Variants in ZNF518A observed in about 807,000 individuals in gnomAD.
ZNF518A encodes the protein zinc finger protein 518A.
ZNF518A carries 47 observed loss-of-function variants against 102.7 expected under a neutral mutation model. The ratio of observed to expected loss-of-function variants is 0.46; its 90% CI spans 0.36 to 0.58. ZNF518A has a LOEUF of 0.58. Ranked by LOEUF, ZNF518A falls within the 20% of genes least tolerant of loss-of-function variation. ZNF518A has a pLI of 0.00. For missense variants in ZNF518A, 1,793 were observed against 1,699.8 expected (o/e 1.05, Z -0.96); for synonymous variants, 652 against 594.6 (o/e 1.10, Z -1.40).
At chr10:96,199,501 CCA>C (rs1554895528) in intron 1 of ZNF518A, 1 of 462,486 alleles carries the variant, frequency 2.2e-6, no homozygotes, top group East Asian at 6.7e-5. Context: ...TTCTCGTCTC[CCA>C]CTGTTTGGAG....
At chr10:96,132,177 G>GT (rs369245858) in intron 1 of ZNF518A, among the ~76,000 whole-genome samples, 5 of 151,670 alleles carry the variant, frequency 3.3e-5, no homozygotes, top group Non-Finnish European at 7.4e-5. Context: ...TAGGCTGTGA[G>GT]TATTTCAGTT....
chr10:96,153,376 C>T (rs1415763128), intron 3 of ZNF518A, among the ~76,000 whole-genome samples: 1 of 152,218 alleles, frequency 6.6e-6, no homozygotes, highest in Non-Finnish European at 1.5e-5. Flanking sequence ...TACTGGTTTT[C>T]TAGGTATTCC....
chr10:96,158,580 TTTC>T lies in ZNF518A; in HGVS notation c.2260_2262del (p.Ser754del). ...ACTGAAAAATCTAAATGGGAAGACT[TTTC>T]TAATGTCGATTCACCTATGATGCCT... On this transcript the variant is annotated inframe_deletion, in exon 6 of 6. Transcript: ENST00000316045. The T allele has an allele frequency of 6.2e-7, 1 of 1,613,200 alleles. No individual in the cohort carries two copies. Among genetic ancestry groups the T allele is most frequent in the Non-Finnish European group, 8.5e-7 (1 of 1,179,618 alleles).
Position 96,159,183 on chromosome 10 carries a change from C to A in ZNF518A, c.2861C>A (p.Pro954His), listed in dbSNP as rs368707793. Residue 954 changes from proline (P) to histidine (H), a missense_variant, in exon 6 of 6, where the codon CCT becomes CAT. Around this residue, in one of 3 missense-constraint regions of ZNF518A, gnomAD observed 1,741 missense variants for 1,622.6 expected, o/e 1.07. Coordinates refer to ENST00000316045, the MANE Select transcript of ZNF518A (RefSeq NM_001330736.2). ...ITNKPGLPVIPGNALPLVNSQ... is the reference protein window; with the variant it reads ...ITNKPGLPVIHGNALPLVNSQ... ...AACAAGCCTGGGCTACCAGTTATTC[C>A]TGGAAATGCACTTCCATTGGTTAAT... 2.5e-6 allele frequency: 4 copies of A among 1,613,648 alleles called. No homozygotes were observed. In the African/African-American group the frequency reaches 5.3e-5, roughly 22 times the overall value.
chr10:96,160,090 A>G lies in ZNF518A; in HGVS notation c.3768A>G (p.Ser1256=), dbSNP rs782164836. The change falls in exon 6 of 6, where the codon TCA becomes TCG. Residue 1256 remains serine (S), a synonymous_variant. Coordinates refer to ENST00000316045, the MANE Select transcript of ZNF518A (RefSeq NM_001330736.2). Reference sequence around the variant, plus strand: ...AAAAGACTTCCAAAAAAATTTTTTCAAAAACAAAAACTCATGGAAGTAAAG... The same window carrying G: ...AAAAGACTTCCAAAAAAATTTTTTCGAAAACAAAAACTCATGGAAGTAAAG... ...NRKKTSKKIF[S]KTKTHGSKDS... 13 of 1,608,002 alleles carry G rather than the reference A, an allele frequency of 8.1e-6. No homozygotes were observed. The highest frequency in any genetic ancestry group is 5.4e-5 in the African/African-American group (4 of 74,372).
At position 96,163,757 on chromosome 10, in the gene ZNF518A, A is replaced by G. The variant is rs1371105436; in HGVS notation, c.*2983A>G. 6.0e-6 allele frequency: 1 copy of G among 167,024 alleles called. No homozygotes were observed. Among genetic ancestry groups the G allele is most frequent in the Admixed American group, 6.5e-5 (1 of 15,282 alleles). The allele number at this position is 167,024 out of a possible 1,614,324, so 10.3% of individuals were successfully genotyped here. ...TATGTTTTAATAAAACAATTTATAA[A>G]AACAGGAAGTGGGCTGAATTTGGCC... is the stretch of plus-strand genomic sequence containing the variant. On this transcript the variant is annotated 3_prime_UTR_variant, in exon 6 of 6. Transcript: ENST00000316045.
At chr10:96,174,479 T>C (rs1434413202) in intron 1 of ZNF518A, among the ~76,000 whole-genome samples, 2 of 152,028 alleles carry the variant, frequency 1.3e-5, no homozygotes, top group Non-Finnish European at 2.9e-5. Flanking sequence ...GAGTGGACAA[T>C]ACTACTGCTC....
rs2082704026 is a variant in ZNF518A at position 96,156,583 on chromosome 10, A to G, written c.261A>G (p.Ile87Met). The stretch of plus-strand genomic sequence containing the variant: ...AGACTGCAAGAAAATCTATCAGTAT[A>G]AAGACTGTAAGCTGTGTAGAGGAGT... Reference protein sequence around the residue: ...KQQTARKSISIKTVSCVEECT... With the variant: ...KQQTARKSISMKTVSCVEECT... The change falls in exon 6 of 6, where the codon ATA becomes ATG. Residue 87 changes from isoleucine to methionine, a missense_variant. Ile to Met is a conservative substitution (Grantham distance 10, BLOSUM62 1). This residue lies in a region of ZNF518A where 1,741 missense variants were observed against 1,622.6 expected (regional missense o/e 1.07). Transcript: ENST00000316045. The G allele has an allele frequency of 6.2e-7, 1 of 1,613,856 alleles. No homozygotes were observed. Among genetic ancestry groups the G allele is most frequent in the Non-Finnish European group, 8.5e-7 (1 of 1,179,774 alleles).
At chr10:96,201,737 TGC>T (rs35965259) in intron 1 of ZNF518A, among the ~76,000 whole-genome samples, 19,106 of 132,586 alleles carry the variant, frequency 0.14, 1,257 homozygotes, top group Middle Eastern at 0.19. Flanking sequence ...AAGACTTATC[TGC>T]ATTCATTCAT....
chr10:96,140,562 A>C (rs189834712), intron 3 of ZNF518A, among the ~76,000 whole-genome samples: 6 of 152,336 alleles, frequency 3.9e-5, no homozygotes, highest in Non-Finnish European at 7.3e-5. Flanking sequence ...TTCCTTTTCT[A>C]TACTGAATTC....
At chr10:96,176,090 T>A (rs2083203162) in intron 1 of ZNF518A, among the ~76,000 whole-genome samples, 1 of 152,096 alleles carries the variant, frequency 6.6e-6, no homozygotes, top group Non-Finnish European at 1.5e-5. Context: ...GCACCCTGCC[T>A]GGTTATTATT....
chr10:96,185,371 T>C (rs1046751227), intron 1 of ZNF518A, among the ~76,000 whole-genome samples: 6 of 152,198 alleles, frequency 3.9e-5, no homozygotes, highest in Admixed American at 6.5e-5. Flanking sequence ...CTGCAATCCT[T>C]TGGAGGAGAA....
At chr10:96,153,896 A>G (rs2082570230) in intron 3 of ZNF518A, among the ~76,000 whole-genome samples, 1 of 152,162 alleles carries the variant, frequency 6.6e-6, no homozygotes, top group Non-Finnish European at 1.5e-5. Context: ...TAATAATCCT[A>G]TTCTCAAGGT....
At chr10:96,129,971 C>T (rs2081236787), upstream of ZNF518A, 1 of 152,706 alleles carries the variant, frequency 6.5e-6, no homozygotes. Context: ...TGCCGGCCTC[C>T]GTTCTCTTCC....
chr10:96,154,565 A>G (rs587769432), intron 3 of ZNF518A, among the ~76,000 whole-genome samples: 34 of 152,124 alleles, frequency 2.2e-4, no homozygotes, highest in Non-Finnish European at 4.6e-4. Flanking sequence ...CTAGAAAGAC[A>G]AGTGCTCTGC....
chr10:96,199,589 G>A (rs1266772403), intron 1 of ZNF518A: 1 of 451,490 alleles, frequency 2.2e-6, no homozygotes, highest in African/African-American at 2.0e-5. Context: ...AAAGAGAGGA[G>A]GGGATAGCAG....
chr10:96,142,066 T>A (rs2081955453), intron 3 of ZNF518A, among the ~76,000 whole-genome samples: 1 of 152,132 alleles, frequency 6.6e-6, no homozygotes, highest in African/African-American at 2.4e-5. Flanking sequence ...TATGCTTAAG[T>A]TGTTCATTAG....
At chr10:96,179,092 T>C (rs1022733889) in intron 1 of ZNF518A, among the ~76,000 whole-genome samples, 1 of 152,102 alleles carries the variant, frequency 6.6e-6, no homozygotes, top group Non-Finnish European at 1.5e-5. Context: ...GATGAAGACA[T>C]TGTAAGTAAA....
chr10:96,194,134 C>T (rs1400085521), intron 1 of ZNF518A, among the ~76,000 whole-genome samples: 3 of 152,146 alleles, frequency 2.0e-5, no homozygotes, highest in African/African-American at 7.2e-5. Flanking sequence ...AGCAGGACAA[C>T]GAAATCCAGA....
Sources: allele counts gnomAD v4.1 joint callset (sites outside exome capture counted in the v4.1 genomes callset), GRCh38; gene constraint gnomAD v4.1.1; regional missense constraint gnomAD v4.1.1; transcripts MANE v1.5; gene names NCBI Gene and HGNC (gene_info 2026-07-23, HGNC 2026-07-21).